The following ARL5A variants were observed in gnomAD, a reference collection of about 807,000 sequenced individuals.
ARL5A encodes the protein ARF like GTPase 5A, also known as ADP-ribosylation factor-like protein 5A.
A neutral mutation model predicts 25.9 loss-of-function variants in ARL5A; 18 were observed. That is an observed-to-expected ratio of 0.69 (90% CI 0.48 to 1.03). The LOEUF is 1.03. Among genes scored for constraint, ARL5A ranks in the 50% least tolerant of loss-of-function variants. ARL5A has a pLI of 0.00. For missense variants in ARL5A, 170 were observed against 211.9 expected (o/e 0.80, Z 1.23); for synonymous variants, 61 against 67.5 (o/e 0.90, Z 0.47).
intron 1 of ARL5A, among the ~76,000 whole-genome samples, chr2:151,824,417 C>T (rs903345570): frequency 6.6e-6 from 1 of 152,132 alleles, no homozygotes; most frequent in East Asian, 1.9e-4. Flanking sequence ...GAAGCTAAGA[C>T]ACAGTCTACC....
At position 151,825,679 on chromosome 2, in the gene ARL5A, G is replaced by T. The variant is rs1448345436; in HGVS notation, c.46+2452C>A. ...AAACAGGAGATACTGCATAGTTTAA[G>T]TTTCATCAGATGGCAAATTCTGTAA... On this transcript the variant is annotated intron_variant, in intron 1 of 5. Coordinates refer to ENST00000295087, the MANE Select transcript of ARL5A (RefSeq NM_012097.4). Among the ~76,000 whole-genome samples, 51 of 152,130 alleles carry T rather than the reference G, an allele frequency of 3.4e-4. 1 individual carries two copies. Among genetic ancestry groups the T allele is most frequent in the Non-Finnish European group, 5.9e-5 (4 of 68,032 alleles).
In ARL5A at chr2:151,817,798, G is replaced by A. The variant is rs1478018798; in HGVS notation, c.47-2599C>T. On this transcript the variant is annotated intron_variant, in intron 1 of 5. Transcript: ENST00000295087. ...CGTCGGGTGGATCACCTGAGGTCAG[G>A]AGTTCAAGACCAACATGACCAACAT... is the stretch of plus-strand genomic sequence containing the variant. Among the ~76,000 whole-genome samples the A allele has an allele frequency of 6.4e-4, 97 of 152,288 alleles. 1 individual carries two copies. Among genetic ancestry groups the A allele is most frequent in the African/African-American group, 2.4e-5 (1 of 41,562 alleles).
intron 1 of ARL5A, among the ~76,000 whole-genome samples, chr2:151,820,972 T>G (rs2099832226): frequency 6.6e-6 from 1 of 152,132 alleles, no homozygotes; most frequent in African/African-American, 2.4e-5. Context: ...CACCTGAAAG[T>G]GAATAACTAA....
At chr2:151,814,449 CA>C (rs2099831237) in intron 2 of ARL5A, 133 bp from the exon 3 acceptor site, 2 of 695,866 alleles carry the variant, frequency 2.9e-6, no homozygotes, top group Non-Finnish European at 4.6e-6. Context: ...CACTAGTTTA[CA>C]ACATGAGTGA....
chr2:151,820,855 G>A (rs1387035865), intron 1 of ARL5A, among the ~76,000 whole-genome samples: 1 of 151,980 alleles, frequency 6.6e-6, no homozygotes, highest in Non-Finnish European at 1.5e-5. Flanking sequence ...TGAAAGGTTA[G>A]GTTATTGTTA....
chr2:151,814,420 T>C (rs1428773609), intron 2 of ARL5A, 104 bp from the exon 3 acceptor site: 3 of 887,808 alleles, frequency 3.4e-6, no homozygotes, highest in Non-Finnish European at 5.0e-6. Flanking sequence ...TTATAATTTA[T>C]ACCTAAATAT....
In ARL5A at chr2:151,817,416, T is replaced by C. The variant is rs1055054969; in HGVS notation, c.47-2217A>G. Reference sequence around the variant, plus strand: ...CAATAAATGTTGAATTAATATTCATTCTATAAGTAATAAATGTTGAGGATT... The same window carrying C: ...CAATAAATGTTGAATTAATATTCATCCTATAAGTAATAAATGTTGAGGATT... On this transcript the variant is annotated intron_variant, in intron 1 of 5. Coordinates refer to ENST00000295087, the MANE Select transcript of ARL5A (RefSeq NM_012097.4). 3.3e-5 allele frequency among the ~76,000 whole-genome samples: 5 copies of C among 152,210 alleles called. No homozygotes were observed. In the East Asian group the frequency reaches 9.6e-4, roughly 29 times the overall value.
chr2:151,828,251 G>C lies in ARL5A; in HGVS notation c.-75C>G. 1 of 1,371,282 alleles carries C rather than the reference G, an allele frequency of 7.3e-7. No homozygotes were observed. The highest frequency in any genetic ancestry group is 2.5e-5 in the East Asian group (1 of 39,662). 84.9% of individuals were successfully genotyped at this position (1,371,282 alleles called of 1,614,324 possible). On this transcript the variant is annotated 5_prime_UTR_variant, in exon 1 of 6. Transcript: ENST00000295087. ...CCCCGGCTCAGGCTGAGGGGGAGGA[G>C]AGAGACGCGCTGGAGCCTCCGCCTC...
intron 1 of ARL5A, among the ~76,000 whole-genome samples, chr2:151,824,366 A>T (rs2099832740): frequency 6.6e-6 from 1 of 152,316 alleles, no homozygotes. Context: ...TCTATCTATC[A>T]CAAATTATCA....
chr2:151,798,891 T>C lies in ARL5A; in HGVS notation c.*4385A>G, dbSNP rs2099829041. 6.6e-6 allele frequency: 1 copy of C among 152,062 alleles called. No individual in the cohort carries two copies. The highest frequency in any genetic ancestry group is 2.4e-5 in the African/African-American group (1 of 41,378). The allele number at this position is 152,062 out of a possible 1,614,324, so 9.4% of individuals were successfully genotyped here. A position where few individuals can be genotyped will look rare whatever the true frequency, so the allele number is the denominator to read the frequency against. On this transcript the variant is annotated 3_prime_UTR_variant, in exon 6 of 6. Transcript: ENST00000295087. ...TTGAGTACAGACTATGGGAATTTTCTACCAAAGAACAGGATATCTAGCAAG... is the reference window on the plus strand; with the variant it reads ...TTGAGTACAGACTATGGGAATTTTCCACCAAAGAACAGGATATCTAGCAAG...
chr2:151,816,270 T>C (rs974469132), intron 1 of ARL5A, among the ~76,000 whole-genome samples: 3 of 152,122 alleles, frequency 2.0e-5, no homozygotes, highest in African/African-American at 7.2e-5. Context: ...TCAGCCCCTA[T>C]CTCTTCCAGC....
chr2:151,812,530 T>C, intron 3 of ARL5A, 90 bp from the exon 4 acceptor site: 1 of 778,012 alleles, frequency 1.3e-6, no homozygotes, highest in Non-Finnish European at 1.9e-6. Context: ...AGGCTATTAA[T>C]ATCAAGAAAT....
At chr2:151,816,742 T>C (rs776515031) in intron 1 of ARL5A, among the ~76,000 whole-genome samples, 15 of 152,166 alleles carry the variant, frequency 9.9e-5, no homozygotes, top group Non-Finnish European at 2.1e-4. Context: ...ACTTCAAAGT[T>C]TGAATTTTGA....
chr2:151,811,385 G>A (rs2099830820), intron 4 of ARL5A, among the ~76,000 whole-genome samples: 1 of 151,848 alleles, frequency 6.6e-6, no homozygotes, highest in Non-Finnish European at 1.5e-5. Flanking sequence ...ATCTATAAAT[G>A]AGTTGAGAAA....
At position 151,828,181 on chromosome 2, in the gene ARL5A, G is replaced by C; in HGVS notation, c.-5C>G. 5.3e-6 allele frequency: 8 copies of C among 1,519,294 alleles called. No homozygotes were observed. Among genetic ancestry groups the C allele is most frequent in the African/African-American group, 1.8e-5 (1 of 55,098 alleles). 94.1% of individuals were successfully genotyped at this position (1,519,294 alleles called of 1,614,324 possible). Reference sequence around the variant, plus strand: ...TCTAGTGAAGAGAATTCCCATTCTCGGGCAGCGGACCCCCCCCCTCCAGAC... The same window carrying C: ...TCTAGTGAAGAGAATTCCCATTCTCCGGCAGCGGACCCCCCCCCTCCAGAC... On this transcript the variant is annotated 5_prime_UTR_variant, in exon 1 of 6. Transcript: ENST00000295087.
At chr2:151,805,784 C>A (rs2099830020) in intron 5 of ARL5A, among the ~76,000 whole-genome samples, 1 of 151,976 alleles carries the variant, frequency 6.6e-6, no homozygotes, top group South Asian at 2.1e-4. Context: ...TTTATAGGAC[C>A]ACTGTCATAT....
rs2099829347 is a variant in ARL5A, at chr2:151,801,033, T to C, written c.*2243A>G. 6.6e-6 allele frequency: 1 copy of C among 152,640 alleles called. No individual in the cohort carries two copies. Among genetic ancestry groups the C allele is most frequent in the South Asian group, 2.1e-4 (1 of 4,836 alleles). The allele number at this position is 152,640 out of a possible 1,614,324, so 9.5% of individuals were successfully genotyped here. On this transcript the variant is annotated 3_prime_UTR_variant, in exon 6 of 6. Coordinates refer to ENST00000295087, the MANE Select transcript of ARL5A (RefSeq NM_012097.4). ...TGAAAATAATACTTTTAAAATGATTTTGACATTTTCATATATAAATTTATT... is the reference window on the plus strand; with the variant it reads ...TGAAAATAATACTTTTAAAATGATTCTGACATTTTCATATATAAATTTATT...
chr2:151,828,157 C>G lies in ARL5A; in HGVS notation c.20G>C (p.Arg7Thr). ...CTGGTGATTGAACAGTCTCCATATT[C>G]TAGTGAAGAGAATTCCCATTCTCGG... MGILFT[R>T]IWRLFNHQEH... Residue 7 changes from arginine (R) to threonine (T), a missense_variant, in exon 1 of 6, where the codon AGA becomes ACA. Arg to Thr is a moderately conservative substitution (Grantham distance 71, BLOSUM62 -1). Coordinates refer to ENST00000295087, the MANE Select transcript of ARL5A (RefSeq NM_012097.4). The G allele has an allele frequency of 6.2e-7, 1 of 1,608,310 alleles. No individual in the cohort carries two copies. Among genetic ancestry groups the G allele is most frequent in the East Asian group, 2.3e-5 (1 of 43,970 alleles).
chr2:151,818,406 G>A (rs756389103), intron 1 of ARL5A, among the ~76,000 whole-genome samples: 1 of 152,136 alleles, frequency 6.6e-6, no homozygotes, highest in Non-Finnish European at 1.5e-5. Context: ...ACCCTCCTGA[G>A]TAGCTGAGAC....
Sources: allele counts gnomAD v4.1 joint callset (sites outside exome capture counted in the v4.1 genomes callset), GRCh38; gene constraint gnomAD v4.1.1; transcripts MANE v1.5; gene names NCBI Gene and HGNC (gene_info 2026-07-23, HGNC 2026-07-21).